The following CNTN6 variants were observed in gnomAD, a reference collection of about 807,000 sequenced individuals.
CNTN6 encodes the protein contactin 6.
A neutral mutation model predicts 122.8 loss-of-function variants in CNTN6; 137 were observed. The observed-to-expected ratio is 1.12, with a 90% confidence interval of 0.97 to 1.29. The LOEUF (loss-of-function observed/expected upper bound fraction) is 1.29, where lower values mean the gene tolerates loss of function less well. CNTN6 is among the 50% of genes most tolerant of loss of function. The probability of loss-of-function intolerance (pLI) is 0.00; values close to 1 mark genes in which losing one functional copy is unlikely to be tolerated. For synonymous variants in CNTN6, 570 were observed against 426.0 expected (o/e 1.34, Z -4.16); for missense variants, 1,634 against 1,223.4 (o/e 1.34, Z -5.01).
chr3:1,172,022 G>A lies in CNTN6; in HGVS notation c.55+23959G>A, dbSNP rs9814778. ...ACCATCCAAACCCATTGAAGCTCTT[G>A]AGTCCCTTGACATGGTAACTCCTAT... On this transcript the variant is annotated intron_variant, in intron 2 of 22. Transcript: ENST00000446702. Among the ~76,000 whole-genome samples the A allele has an allele frequency of 4.5e-3, 687 of 152,190 alleles. 2 individuals carry two copies. The highest frequency in any genetic ancestry group is 0.015 in the African/African-American group (606 of 41,536).
chr3:1,293,691 G>T (rs1318623272), intron 5 of CNTN6, among the ~76,000 whole-genome samples: 1 of 152,004 alleles, frequency 6.6e-6, no homozygotes, highest in Non-Finnish European at 1.5e-5. Context: ...AGTGTATGAG[G>T]GTCCATCCAA....
chr3:1,157,332 C>T (rs2092997420), intron 2 of CNTN6, among the ~76,000 whole-genome samples: 3 of 152,062 alleles, frequency 2.0e-5, no homozygotes, highest in Non-Finnish European at 4.4e-5. Context: ...TTTCTCCTGC[C>T]TCAGCCTTCC....
chr3:1,100,128 C>A (rs1244072606), intron 1 of CNTN6, among the ~76,000 whole-genome samples: 2 of 152,048 alleles, frequency 1.3e-5, no homozygotes, highest in Admixed American at 6.6e-5. Context: ...TTACCATATT[C>A]TTGCTATTTA....
chr3:1,363,965 G>A lies in CNTN6; in HGVS notation c.1493-8334G>A, dbSNP rs191702246. Among the ~76,000 whole-genome samples, 5 of 151,902 alleles carry A rather than the reference G, an allele frequency of 3.3e-5. No individual in the cohort carries two copies. In the East Asian group the frequency reaches 9.7e-4, roughly 29 times the overall value. ...GTAGCCATCCTAACAGGTGTGATGT[G>A]ACATCTCATCATGGTTTAGATTTGC... On this transcript the variant is annotated intron_variant, in intron 12 of 22. Coordinates refer to ENST00000446702, the MANE Select transcript of CNTN6 (RefSeq NM_001289080.2).
chr3:1,324,353 C>T (rs929325049), intron 8 of CNTN6, among the ~76,000 whole-genome samples: 1 of 149,676 alleles, frequency 6.7e-6, no homozygotes, highest in East Asian at 2.0e-4. Context: ...CGAATCCTCT[C>T]GGCCCTGCTT....
intron 1 of CNTN6, among the ~76,000 whole-genome samples, chr3:1,110,712 TGA>T (rs2091441936): frequency 6.6e-6 from 1 of 152,136 alleles, no homozygotes; most frequent in Admixed American, 6.6e-5. Flanking sequence ...GGAGCAGGTT[TGA>T]CAATGTTGTC....
intron 2 of CNTN6, among the ~76,000 whole-genome samples, chr3:1,190,080 T>G (rs1251156846): frequency 6.6e-6 from 1 of 152,164 alleles, no homozygotes; most frequent in African/African-American, 2.4e-5. Flanking sequence ...GCAGTGAATC[T>G]GGTAAGGGCT....
chr3:1,336,019 C>T (rs780884773), intron 11 of CNTN6, among the ~76,000 whole-genome samples: 7 of 151,524 alleles, frequency 4.6e-5, no homozygotes, highest in Non-Finnish European at 1.0e-4. Context: ...CACTGCACTC[C>T]AGCCTGGGTA....
intron 7 of CNTN6, among the ~76,000 whole-genome samples, chr3:1,300,449 CAGGAAGGAAGGA>C (rs72054486): frequency 0.04 from 4,610 of 114,418 alleles, 111 homozygotes; most frequent in East Asian, 0.066. Context: ...AGGGTCAGTT[CAGGAAGGAAGGA>C]AGGAAGGAAG....
chr3:1,143,227 T>C (rs2092652581), intron 1 of CNTN6, among the ~76,000 whole-genome samples: 1 of 152,000 alleles, frequency 6.6e-6, no homozygotes, highest in Non-Finnish European at 1.5e-5. Flanking sequence ...AGAAAAGTGA[T>C]TATAGACCTG....
At chr3:1,372,255 C>G in intron 12 of CNTN6, 44 bp from the exon 13 acceptor site, 1 of 1,457,268 alleles carries the variant, frequency 6.9e-7, no homozygotes, top group Non-Finnish European at 9.4e-7. Flanking sequence ...TAACCATAGG[C>G]TAGCATTTCA....
At chr3:1,308,200 C>A (rs1014042637) in intron 7 of CNTN6, among the ~76,000 whole-genome samples, 1 of 151,816 alleles carries the variant, frequency 6.6e-6, no homozygotes. Context: ...TATTTTGCTG[C>A]TCAAATTGTT....
chr3:1,145,716 T>A (rs1403795927), intron 1 of CNTN6, among the ~76,000 whole-genome samples: 1 of 152,170 alleles, frequency 6.6e-6, no homozygotes, highest in Non-Finnish European at 1.5e-5. Context: ...AAATGACATC[T>A]ATATAGAGAT....
intron 2 of CNTN6, chr3:1,173,337 G>T (rs554850617): frequency 6.6e-6 from 3 of 456,034 alleles, no homozygotes; most frequent in African/African-American, 6.0e-5. Flanking sequence ...GAATGCTCCA[G>T]TAAAAACAGC....
chr3:1,360,916 T>C (rs1403463413), intron 12 of CNTN6, among the ~76,000 whole-genome samples: 2 of 152,120 alleles, frequency 1.3e-5, no homozygotes, highest in African/African-American at 2.4e-5. Flanking sequence ...CTTGAGATTA[T>C]TTTTAATTTT....
chr3:1,127,587 A>G (rs372463985), intron 1 of CNTN6, among the ~76,000 whole-genome samples: 61 of 152,074 alleles, frequency 4.0e-4, no homozygotes, highest in African/African-American at 1.3e-3. Context: ...CAACACAACC[A>G]GAAGAAGCCT....
intron 12 of CNTN6, among the ~76,000 whole-genome samples, chr3:1,368,431 T>C (rs949963082): frequency 1.3e-5 from 2 of 152,224 alleles, no homozygotes; most frequent in Non-Finnish European, 2.9e-5. Flanking sequence ...TATATTTCAG[T>C]GTATAATTCA....
At chr3:1,108,129 C>G (rs2125002771) in intron 1 of CNTN6, among the ~76,000 whole-genome samples, 1 of 151,916 alleles carries the variant, frequency 6.6e-6, no homozygotes, top group Admixed American at 6.6e-5. Flanking sequence ...GACAAAATTC[C>G]TTAGAGAATA....
At chr3:1,199,325 G>A (rs1299773952) in intron 2 of CNTN6, among the ~76,000 whole-genome samples, 5 of 151,862 alleles carry the variant, frequency 3.3e-5, no homozygotes, top group Admixed American at 6.6e-5. Context: ...GACTACAGGT[G>A]TATGCCACCA....
Sources: gnomAD v4.1 joint callset for allele counts (sites outside exome capture counted in the v4.1 genomes callset) on GRCh38, gnomAD v4.1.1 for gene constraint, MANE v1.5 for transcripts, NCBI Gene and HGNC (gene_info 2026-07-23, HGNC 2026-07-21) for gene names.